PRDM15: variants seen among roughly 807,000 people sequenced by gnomAD.
PRDM15 encodes PR/SET domain 15.
Under a neutral mutation model 128.6 loss-of-function variants are expected in PRDM15, and 64 were observed. The ratio of observed to expected loss-of-function variants is 0.50; its 90% CI spans 0.41 to 0.61. PRDM15 has a LOEUF of 0.61. Ranked by LOEUF, PRDM15 falls within the 20% of genes least tolerant of loss-of-function variation. PRDM15 has a pLI of 0.00. For synonymous variants in PRDM15, 615 were observed against 621.8 expected (o/e 0.99, Z 0.16); for missense variants, 1,242 against 1,569.1 (o/e 0.79, Z 3.52).
At position 41,804,563 on chromosome 21, in the gene PRDM15, T is replaced by C; in HGVS notation, c.2704A>G (p.Ile902Val). 6.4e-7 allele frequency: 1 copy of C among 1,571,820 alleles called. No homozygotes were observed. Among genetic ancestry groups the C allele is most frequent in the South Asian group, 1.2e-5 (1 of 85,378 alleles). The change falls in exon 22 of 24, where the codon ATC becomes GTC. Residue 902 changes from isoleucine to valine, a missense_variant. Physicochemically the swap from Ile to Val is conservative, Grantham distance 29. This residue lies in a region of PRDM15 where 602 missense variants were observed against 788.3 expected (regional missense o/e 0.76). Transcript: ENST00000398548. ...ACGATGCCAATGGAGGAGGCGTCGA[T>C]GGTGGTGGTCTCCGGGAGGTGGTCC... is the stretch of plus-strand genomic sequence containing the variant. The part of the protein sequence containing the change: ...DLDHLPETTT[I>V]DASSIGIVQP...
chr21:41,869,135 C>G (rs1244288158), intron 1 of PRDM15, among the ~76,000 whole-genome samples: 1 of 152,140 alleles, frequency 6.6e-6, no homozygotes, highest in African/African-American at 2.4e-5. Context: ...CTCCCACTCC[C>G]AGTTTAAGGG....
chr21:41,828,423 G>T lies in PRDM15; in HGVS notation c.1367-90C>A. 7.3e-7 allele frequency: 1 copy of T among 1,368,000 alleles called. No homozygotes were observed. Among genetic ancestry groups the T allele is most frequent in the Non-Finnish European group, 1.0e-6 (1 of 971,676 alleles). The allele number at this position is 1,368,000 out of a possible 1,614,324, so 84.7% of individuals were successfully genotyped here. On this transcript the variant is annotated intron_variant, in intron 11 of 23. Transcript: ENST00000398548. This position sits in a 1 kb window ranked among gnomAD's most constrained non-coding sequence, Gnocchi z 5.7. Reference sequence around the variant, plus strand: ...CGTGTGGCCTGAACGTCAATAAAGCGCGGGTGACGGGCATGAGAGTCACGG... The same window carrying T: ...CGTGTGGCCTGAACGTCAATAAAGCTCGGGTGACGGGCATGAGAGTCACGG...
intron 13 of PRDM15, 97 bp from the exon 14 acceptor site, chr21:41,823,546 G>A (rs28702408): frequency 0.34 from 448,643 of 1,331,754 alleles, 77,766 homozygotes; most frequent in East Asian, 0.56. Context: ...AACCCGGGAC[G>A]GAAACACAGC....
rs1000664066 is a variant in PRDM15, at chr21:41,821,301, G to C, written c.1897-71C>G. 8 of 1,575,180 alleles carry C rather than the reference G, an allele frequency of 5.1e-6. No individual in the cohort carries two copies. In the Admixed American group the frequency reaches 1.4e-4, roughly 27 times the overall value. On this transcript the variant is annotated intron_variant, in intron 15 of 23. Transcript: ENST00000398548. The surrounding 1 kb of genome is among the most constrained non-coding windows in gnomAD (Gnocchi z 5.4). ...CCTGGTCCTCTTAGCTAATGAGGTC[G>C]TGTCCACAAACCAGGGCACCCGACA...
At position 41,859,775 on chromosome 21, in the gene PRDM15, G is replaced by T; in HGVS notation, c.38-90C>A. On this transcript the variant is annotated intron_variant, in intron 2 of 23. Coordinates refer to ENST00000398548, the MANE Select transcript of PRDM15 (RefSeq NM_001040424.3). The surrounding 1 kb of genome is among the most constrained non-coding windows in gnomAD (Gnocchi z 5.3). ...GGAAATGGGGACCCTGGCCCCATGA[G>T]GGTGACCCAGAGTCATGAGACACAT... is the stretch of plus-strand genomic sequence containing the variant. 1 of 1,038,584 alleles carries T rather than the reference G, an allele frequency of 9.6e-7. No individual in the cohort carries two copies. The allele number at this position is 1,038,584 out of a possible 1,614,324, so 64.3% of individuals were successfully genotyped here. A position where few individuals can be genotyped will look rare whatever the true frequency, so the allele number is the denominator to read the frequency against.
intron 18 of PRDM15, among the ~76,000 whole-genome samples, chr21:41,816,318 G>C (rs1417136840): frequency 6.6e-6 from 1 of 152,220 alleles, no homozygotes; most frequent in East Asian, 1.9e-4. Context: ...ACAGCCAGTG[G>C]AGAGAGGGTG....
intron 17 of PRDM15, 174 bp from the exon 18 acceptor site, chr21:41,819,875 C>A: frequency 1.2e-6 from 1 of 846,296 alleles, no homozygotes; most frequent in Non-Finnish European, 1.8e-6. Flanking sequence ...TCCTGTGACT[C>A]CAGTAGATCC....
chr21:41,805,470 A>G (rs1341485594), intron 21 of PRDM15, among the ~76,000 whole-genome samples: 2 of 152,192 alleles, frequency 1.3e-5, no homozygotes, highest in African/African-American at 2.4e-5. Flanking sequence ...CATTTAAAAA[A>G]GGAGAGAAGT....
chr21:41,810,506 C>T lies in PRDM15; in HGVS notation c.2477-177G>A, dbSNP rs959968186. Reference sequence around the variant, plus strand: ...CACACATGAGCACAGAGCCTCTGTCCCTTGGGGAGCACTGCCAGCAGCAGC... The same window carrying T: ...CACACATGAGCACAGAGCCTCTGTCTCTTGGGGAGCACTGCCAGCAGCAGC... On this transcript the variant is annotated intron_variant, in intron 20 of 23. Coordinates refer to ENST00000398548, the MANE Select transcript of PRDM15 (RefSeq NM_001040424.3). This position sits in a 1 kb window ranked among gnomAD's most constrained non-coding sequence, Gnocchi z 6.4. The T allele has an allele frequency of 1.4e-6, 1 of 692,112 alleles. No individual in the cohort carries two copies. Among genetic ancestry groups the T allele is most frequent in the Non-Finnish European group, 2.4e-6 (1 of 416,492 alleles). The allele number at this position is 692,112 out of a possible 1,614,324, so 42.9% of individuals were successfully genotyped here. A position where few individuals can be genotyped will look rare whatever the true frequency, so the allele number is the denominator to read the frequency against.
intron 23 of PRDM15, among the ~76,000 whole-genome samples, 157 bp from the exon 24 acceptor site, chr21:41,801,879 C>G (rs372313598): frequency 6.6e-6 from 1 of 151,702 alleles, no homozygotes; most frequent in African/African-American, 2.4e-5. Flanking sequence ...AAAATTCCAG[C>G]GAGAAACAAA....
rs764126055 is a variant in PRDM15, at chr21:41,835,540, C to T, written c.1279-16G>A. On this transcript the variant is annotated splice_polypyrimidine_tract_variant and intron_variant, in intron 10 of 23. Transcript: ENST00000398548. ...CGCCGTCCACCTGGTCAGAGGGACA[C>T]GCCGTGAGTGAGATGGCCCAGCGCA... 3.1e-6 allele frequency: 5 copies of T among 1,601,760 alleles called. No homozygotes were observed. The highest frequency in any genetic ancestry group is 1.1e-5 in the South Asian group (1 of 90,994).
At chr21:41,842,975 C>T (rs909442203) in intron 6 of PRDM15, among the ~76,000 whole-genome samples, 5 of 151,578 alleles carry the variant, frequency 3.3e-5, no homozygotes, top group South Asian at 2.1e-4. Context: ...AGTAGAGATG[C>T]GGTTTCACCA....
chr21:41,822,092 G>C (rs1308176700), intron 14 of PRDM15, 55 bp from the exon 15 acceptor site: 3 of 1,608,096 alleles, frequency 1.9e-6, no homozygotes, highest in South Asian at 2.2e-5. Flanking sequence ...GCTTCACTCA[G>C]TTATCTACAC....
intron 21 of PRDM15, among the ~76,000 whole-genome samples, chr21:41,807,023 C>T (rs1236161915): frequency 1.3e-5 from 2 of 151,640 alleles, no homozygotes; most frequent in African/African-American, 4.8e-5. Flanking sequence ...ACCAACACCA[C>T]CATCACCAAC....
At position 41,802,876 on chromosome 21, in the gene PRDM15, C is replaced by T. The variant is rs535368225; in HGVS notation, c.2779G>A (p.Gly927Arg). 1.0e-4 allele frequency: 167 copies of T among 1,614,144 alleles called. No individual in the cohort carries two copies. The highest frequency in any genetic ancestry group is 1.6e-4 in the African/African-American group (12 of 75,050). Residue 927 changes from glycine to arginine, a missense_variant, in exon 23 of 24, where the codon GGG becomes AGG. Gly to Arg is a moderately radical substitution (Grantham distance 125). Coordinates refer to ENST00000398548, the MANE Select transcript of PRDM15 (RefSeq NM_001040424.3). ...TTGTGACTTCGCTTGGCAGCTTTCC[C>T]GTGCTTCCCTTCGGCCAAATCCTCC... is the stretch of plus-strand genomic sequence containing the variant. ...EQEDLAEGKH[G>R]KAAKRSHKRK...
intron 1 of PRDM15, chr21:41,878,813 C>G (rs749429121): frequency 2.6e-5 from 30 of 1,173,740 alleles, no homozygotes; most frequent in South Asian, 3.5e-5. Context: ...GCGACGACGC[C>G]GCCCGGCGGC....
chr21:41,815,872 C>G, intron 18 of PRDM15, 36 bp from the exon 19 acceptor site: 2 of 1,606,584 alleles, frequency 1.2e-6, no homozygotes, highest in Non-Finnish European at 1.7e-6. Context: ...CGGCCACACC[C>G]CCACGCAGCC....
intron 12 of PRDM15, among the ~76,000 whole-genome samples, chr21:41,826,357 C>T (rs977012875): frequency 6.6e-6 from 1 of 152,170 alleles, no homozygotes; most frequent in Non-Finnish European, 1.5e-5. Flanking sequence ...CTAAATGTTC[C>T]TAGGTGGCAG....
At chr21:41,878,752 C>G in intron 1 of PRDM15, 1 of 1,555,608 alleles carries the variant, frequency 6.4e-7, no homozygotes. Flanking sequence ...CCGTGCGACC[C>G]GCATGGGCTG....
Sources: gnomAD v4.1 joint callset for allele counts (sites outside exome capture counted in the v4.1 genomes callset) on GRCh38, gnomAD v4.1.1 for gene constraint, gnomAD v4.1.1 regional missense constraint, Gnocchi (gnomAD v3.1) non-coding constraint, MANE v1.5 for transcripts, NCBI Gene and HGNC (gene_info 2026-07-23, HGNC 2026-07-21) for gene names.